Variants in ADAM19 observed in about 807,000 individuals in gnomAD.
The protein encoded by ADAM19 is ADAM metallopeptidase domain 19, also known as disintegrin and metalloproteinase domain-containing protein 19.
Under a neutral mutation model 114.7 loss-of-function variants are expected in ADAM19, and 65 were observed. The observed-to-expected ratio is 0.57, with a 90% CI of 0.46 to 0.70. The LOEUF (loss-of-function observed/expected upper bound fraction) is 0.70. Among genes scored for constraint, ADAM19 ranks in the 30% least tolerant of loss-of-function variants. The probability of loss-of-function intolerance (pLI) is 0.00; values close to 1 mark genes in which losing one functional copy is unlikely to be tolerated. For missense variants in ADAM19, 1,063 were observed against 1,204.7 expected (o/e 0.88, Z 1.74); for synonymous variants, 466 against 460.5 (o/e 1.01, Z -0.15).
chr5:157,537,139 G>A (rs1356564651), intron 4 of ADAM19, among the ~76,000 whole-genome samples: 1 of 152,208 alleles, frequency 6.6e-6, no homozygotes, highest in Non-Finnish European at 1.5e-5. Context: ...AAAATTGCCT[G>A]CAAACATTGC....
At chr5:157,548,944 C>T (rs1157962008) in intron 3 of ADAM19, among the ~76,000 whole-genome samples, 1 of 152,162 alleles carries the variant, frequency 6.6e-6, no homozygotes, top group African/African-American at 2.4e-5. Flanking sequence ...TCCATAAATC[C>T]GTCTGCATCC....
At position 157,478,594 on chromosome 5, in the gene ADAM19, A is replaced by G. The variant is rs1754663201; in HGVS notation, c.*2355T>C. ...AAACAGCATACTGGGCACTGGAAAGAAAAGGGGATGCATAATGGCCAGTCT... is the reference window on the plus strand; with the variant it reads ...AAACAGCATACTGGGCACTGGAAAGGAAAGGGGATGCATAATGGCCAGTCT... On this transcript the variant is annotated 3_prime_UTR_variant, in exon 23 of 23. Coordinates refer to ENST00000257527, the MANE Select transcript of ADAM19 (RefSeq NM_033274.5). The G allele has an allele frequency of 1.0e-6, 1 of 985,666 alleles. No homozygotes were observed. The highest frequency in any genetic ancestry group is 1.7e-5 in the African/African-American group (1 of 57,194). 61.1% of individuals were successfully genotyped at this position (985,666 alleles called of 1,614,324 possible).
chr5:157,548,874 A>T (rs1177279858), intron 3 of ADAM19, among the ~76,000 whole-genome samples: 1 of 152,168 alleles, frequency 6.6e-6, no homozygotes, highest in Non-Finnish European at 1.5e-5. Context: ...GTTTAATCAC[A>T]TCCTCGGAGC....
At position 157,498,978 on chromosome 5, in the gene ADAM19, T is replaced by G. The variant is rs1327188769; in HGVS notation, c.1398+595A>C. Among the ~76,000 whole-genome samples, 5 of 152,142 alleles carry G rather than the reference T, an allele frequency of 3.3e-5. No individual in the cohort carries two copies. The East Asian group carries it at 9.6e-4, about 29-fold the overall frequency. The stretch of plus-strand genomic sequence containing the variant: ...TTTCAGAATTGTGGAAGAGAGATTG[T>G]GGTTCTACGGTAACACTAGCAGCAA... On this transcript the variant is annotated intron_variant, in intron 13 of 22. Transcript: ENST00000257527.
chr5:157,566,709 G>A (rs1291768541), intron 2 of ADAM19: 2 of 152,076 alleles, frequency 1.3e-5, no homozygotes, highest in Admixed American at 6.6e-5. Context: ...TTTTTGAGAC[G>A]GGGTCTTGCT....
At chr5:157,546,666 T>A (rs1757059438) in intron 3 of ADAM19, among the ~76,000 whole-genome samples, 1 of 152,214 alleles carries the variant, frequency 6.6e-6, no homozygotes, top group Non-Finnish European at 1.5e-5. Context: ...ATGCTTGATA[T>A]AATGCAGCCA....
At chr5:157,535,917 C>T (rs1249924960) in intron 4 of ADAM19, among the ~76,000 whole-genome samples, 1 of 152,170 alleles carries the variant, frequency 6.6e-6, no homozygotes, top group Non-Finnish European at 1.5e-5. Flanking sequence ...GCTTTCTAGG[C>T]ATGCCTGTTC....
intron 22 of ADAM19, 107 bp from the exon 23 acceptor site, chr5:157,481,109 C>G (rs1754732553): frequency 4.1e-6 from 6 of 1,446,872 alleles, no homozygotes; most frequent in African/African-American, 1.4e-5. Flanking sequence ...GGACCACCCA[C>G]TGAGAACAAA....
intron 3 of ADAM19, among the ~76,000 whole-genome samples, 161 bp from the exon 4 acceptor site, chr5:157,538,152 A>G (rs11134805): frequency 0.01 from 1,541 of 152,326 alleles, 31 homozygotes; most frequent in African/African-American, 0.036. Context: ...AAGGAAAACC[A>G]TAAGTTTGTT....
At chr5:157,492,035 T>C in intron 16 of ADAM19, 123 bp from the exon 17 acceptor site, 2 of 840,810 alleles carry the variant, frequency 2.4e-6, no homozygotes, top group South Asian at 1.5e-5. Context: ...CTCACGCCTG[T>C]AATCCCAGCA....
chr5:157,565,373 T>C (rs1277567681), intron 2 of ADAM19, among the ~76,000 whole-genome samples: 1 of 152,180 alleles, frequency 6.6e-6, no homozygotes, highest in Non-Finnish European at 1.5e-5. Flanking sequence ...GAATTTAAAC[T>C]GACGGCAACT....
intron 5 of ADAM19, 100 bp from the exon 6 acceptor site, chr5:157,520,131 G>A (rs1012300772): frequency 6.5e-5 from 79 of 1,210,926 alleles, no homozygotes; most frequent in Non-Finnish European, 8.7e-5. Flanking sequence ...GACATAGTGG[G>A]TTTTGATCAT....
intron 7 of ADAM19, among the ~76,000 whole-genome samples, chr5:157,517,903 G>A (rs951553892): frequency 2.6e-5 from 4 of 152,210 alleles, no homozygotes; most frequent in African/African-American, 9.6e-5. Context: ...CAGAGGTCTT[G>A]TTAAAACATG....
intron 16 of ADAM19, among the ~76,000 whole-genome samples, chr5:157,492,421 A>T (rs1404742317): frequency 6.6e-6 from 1 of 152,246 alleles, no homozygotes; most frequent in Non-Finnish European, 1.5e-5. Flanking sequence ...TACTTTTGTG[A>T]TTAGGGAGAA....
At chr5:157,526,054 T>A (rs1165121706) in intron 5 of ADAM19, among the ~76,000 whole-genome samples, 1 of 152,010 alleles carries the variant, frequency 6.6e-6, no homozygotes, top group Non-Finnish European at 1.5e-5. Flanking sequence ...ATTAAAAGAA[T>A]GAGATAGATC....
intron 1 of ADAM19, among the ~76,000 whole-genome samples, chr5:157,574,583 C>T (rs1335389522): frequency 6.6e-6 from 1 of 152,184 alleles, no homozygotes; most frequent in African/African-American, 2.4e-5. Flanking sequence ...TATTTGAAAA[C>T]GCTGACTGTT....
Position 157,546,368 on chromosome 5 carries a change from G to A in ADAM19, c.252-8377C>T, listed in dbSNP as rs561072501. ...GAGCAGAGAGCAAGGCCAGTCTAGG[G>A]ATCAGGAATTAAGGATACTCACTCA... On this transcript the variant is annotated intron_variant, in intron 3 of 22. Transcript: ENST00000257527. 7.2e-5 allele frequency among the ~76,000 whole-genome samples: 11 copies of A among 152,294 alleles called. No homozygotes were observed. In the South Asian group the frequency reaches 1.9e-3, roughly 26 times the overall value.
intron 3 of ADAM19, among the ~76,000 whole-genome samples, chr5:157,543,987 A>C (rs538966782): frequency 3.5e-4 from 53 of 152,362 alleles, no homozygotes; most frequent in African/African-American, 1.1e-3. Context: ...TTTCTACATC[A>C]GTACTCATTC....
At chr5:157,512,772 T>C (rs374933876) in intron 8 of ADAM19, among the ~76,000 whole-genome samples, 54 of 152,346 alleles carry the variant, frequency 3.5e-4, no homozygotes, top group East Asian at 2.1e-3. Context: ...ACTTTACAGA[T>C]GGAGACTTTA....
Sources: allele counts gnomAD v4.1 joint callset (sites outside exome capture counted in the v4.1 genomes callset), GRCh38; gene constraint gnomAD v4.1.1; transcripts MANE v1.5; gene names NCBI Gene and HGNC (gene_info 2026-07-23, HGNC 2026-07-21).